ZNF207: variants seen among roughly 807,000 people sequenced by gnomAD.
ZNF207 encodes the protein zinc finger protein 207, also known as BUB3-interacting and GLEBS motif-containing protein ZNF207.
In ZNF207, 24 loss-of-function variants were observed where a neutral mutation model predicts 60.2. That is an observed-to-expected ratio of 0.40 (90% CI 0.29 to 0.56). The LOEUF (loss-of-function observed/expected upper bound fraction) is 0.56, where lower values mean the gene tolerates loss of function less well. ZNF207 is among the 20% of genes least tolerant of loss of function. The pLI, the probability that ZNF207 is intolerant of heterozygous loss-of-function variation, is 0.49. For missense variants in ZNF207, 452 were observed against 636.6 expected (o/e 0.71, Z 3.12); for synonymous variants, 236 against 194.7 (o/e 1.21, Z -1.77).
chr17:32,361,160 TGGGTTTTA>T (rs1415878042), intron 5 of ZNF207, 193 bp downstream of exon 5: 1 of 667,460 alleles, frequency 1.5e-6, no homozygotes, highest in Non-Finnish European at 2.5e-6. Context: ...AATAGATTTT[TGGGTTTTA>T]GGGTATATGT....
intron 2 of ZNF207, among the ~76,000 whole-genome samples, chr17:32,355,230 A>G (rs1904437133): frequency 6.6e-6 from 1 of 152,164 alleles, no homozygotes. Context: ...CCCTGTCTCT[A>G]CAAAAAATGC....
At chr17:32,350,410 CG>C in intron 1 of ZNF207, 84 bp downstream of exon 1, 1 of 1,572,180 alleles carries the variant, frequency 6.4e-7, no homozygotes, top group Non-Finnish European at 8.7e-7. Flanking sequence ...ATTTGGCTTA[CG>C]GCGTGGAGCG....
At chr17:32,366,458 A>G (rs1905166806) in intron 8 of ZNF207, among the ~76,000 whole-genome samples, 1 of 152,218 alleles carries the variant, frequency 6.6e-6, no homozygotes, top group African/African-American at 2.4e-5. Flanking sequence ...ACTAGGTTTT[A>G]TTGATTTAGA....
chr17:32,354,833 C>T (rs989270598), intron 2 of ZNF207, among the ~76,000 whole-genome samples: 29 of 152,042 alleles, frequency 1.9e-4, no homozygotes, highest in African/African-American at 6.7e-4. Context: ...CCAGGCTGGT[C>T]TTGAACTCCT....
intron 1 of ZNF207, 97 bp from the exon 2 acceptor site, chr17:32,351,689 G>C: frequency 6.2e-7 from 1 of 1,608,438 alleles, no homozygotes; most frequent in Non-Finnish European, 8.5e-7. Context: ...GTACCATTTT[G>C]GTTTTAGCTG....
Position 32,350,225 on chromosome 17 carries a change from T to C in ZNF207, c.-61T>C. 1 of 1,611,022 alleles carries C rather than the reference T, an allele frequency of 6.2e-7. No individual in the cohort carries two copies. The highest frequency in any genetic ancestry group is 2.2e-5 in the East Asian group (1 of 44,814). On this transcript the variant is annotated 5_prime_UTR_variant, in exon 1 of 12. Coordinates refer to ENST00000394670, the MANE Select transcript of ZNF207 (RefSeq NM_001098507.2). ...CGTTGGGTTGGGAAAGTGAGGGATT[T>C]TTGGCCTCGTTTCTCCTGCTTCTTT...
chr17:32,352,526 G>A (rs1401559022), intron 2 of ZNF207, among the ~76,000 whole-genome samples: 4 of 152,152 alleles, frequency 2.6e-5, no homozygotes, highest in African/African-American at 9.7e-5. Flanking sequence ...TTGGAGCAGA[G>A]AACAAGGATC....
chr17:32,363,006 T>A, intron 7 of ZNF207, 22 bp downstream of exon 7: 2 of 1,603,516 alleles, frequency 1.2e-6, no homozygotes, highest in Non-Finnish European at 1.7e-6. Context: ...ATAATTTCAT[T>A]TTAATATGAT....
In ZNF207 at chr17:32,357,338, TATTATTATTATTA is replaced by T. The variant is rs1321602965; in HGVS notation, c.169-1164_169-1152del. On this transcript the variant is annotated intron_variant, in intron 2 of 11. Transcript: ENST00000394670. ...TTATTATTATTATTATTATTATTAT[TATTATTATTATTA>T]TTTTTTTTTTTTTTTGAGACAGAAT... Among the ~76,000 whole-genome samples the T allele has an allele frequency of 8.6e-4, 81 of 94,692 alleles. 2 individuals are homozygous for T. The highest frequency in any genetic ancestry group is 1.9e-3 in the African/African-American group (47 of 24,222). 62.1% of individuals were successfully genotyped at this position (94,692 alleles called of 152,430 possible). A position where few individuals can be genotyped will look rare whatever the true frequency, so the allele number is the denominator to read the frequency against.
chr17:32,369,994 A>G lies in ZNF207; in HGVS notation c.*235A>G. 1 of 390,462 alleles carries G rather than the reference A, an allele frequency of 2.6e-6. No individual in the cohort carries two copies. The highest frequency in any genetic ancestry group is 4.3e-6 in the Non-Finnish European group (1 of 234,414). 24.2% of individuals were successfully genotyped at this position (390,462 alleles called of 1,614,324 possible). A position where few individuals can be genotyped will look rare whatever the true frequency, so the allele number is the denominator to read the frequency against. ...CTGTATGGCTTCTTTTTCATGTTTC[A>G]TCTAGGTTTTTAGAAGTGAAGTATA... On this transcript the variant is annotated 3_prime_UTR_variant, in exon 12 of 12. Coordinates refer to ENST00000394670, the MANE Select transcript of ZNF207 (RefSeq NM_001098507.2).
Position 32,372,671 on chromosome 17 carries a change from A to G in ZNF207, c.*2912A>G. On this transcript the variant is annotated 3_prime_UTR_variant, in exon 12 of 12. Coordinates refer to ENST00000394670, the MANE Select transcript of ZNF207 (RefSeq NM_001098507.2). Reference sequence around the variant, plus strand: ...AATATATTTGAAGTGTAATTTTTGCATGCATCCAAACGTAATTAAGCTTCT... The same window carrying G: ...AATATATTTGAAGTGTAATTTTTGCGTGCATCCAAACGTAATTAAGCTTCT... The G allele has an allele frequency of 6.6e-6, 1 of 152,216 alleles. No homozygotes were observed. The highest frequency in any genetic ancestry group is 1.9e-4 in the East Asian group (1 of 5,200). 9.4% of individuals were successfully genotyped at this position (152,216 alleles called of 1,614,324 possible).
At chr17:32,361,651 A>T (rs117684992) in intron 6 of ZNF207, 136 bp downstream of exon 6, 1 of 664,882 alleles carries the variant, frequency 1.5e-6, no homozygotes, top group East Asian at 3.0e-5. Context: ...AAGCTAATTA[A>T]CACAGGTCTC....
intron 3 of ZNF207, 134 bp downstream of exon 3, chr17:32,358,775 C>T (rs372233116): frequency 2.0e-4 from 132 of 657,606 alleles, no homozygotes; most frequent in African/African-American, 1.8e-3. Flanking sequence ...CTTCTGCCTC[C>T]GGGGTTTAAG....
chr17:32,369,043 A>C, intron 10 of ZNF207: 1 of 432,308 alleles, frequency 2.3e-6, no homozygotes, highest in Non-Finnish European at 4.1e-6. Flanking sequence ...TTCATTAGAT[A>C]GTTTCTTGTT....
chr17:32,366,309 CTT>C (rs35218610), intron 8 of ZNF207, among the ~76,000 whole-genome samples: 25,794 of 151,972 alleles, frequency 0.17, 2,631 homozygotes, highest in African/African-American at 0.28. Flanking sequence ...AGATGTAAAA[CTT>C]TTGGCAAAAA....
At position 32,369,322 on chromosome 17, in the gene ZNF207, T is replaced by C; in HGVS notation, c.1192T>C (p.Tyr398His). The change falls in exon 11 of 12, where the codon TAT becomes CAT. Residue 398 changes from tyrosine to histidine, a missense_variant. Physicochemically the swap from Tyr to His is moderately conservative, Grantham distance 83 (BLOSUM62 2). This residue lies in a region of ZNF207 where 390 missense variants were observed against 461.4 expected (regional missense o/e 0.85). Transcript: ENST00000394670. Reference protein sequence around the residue: ...LEERRAQLPKYQRNLPRPGQA... With the variant: ...LEERRAQLPKHQRNLPRPGQA... The stretch of plus-strand genomic sequence containing the variant: ...AGAGAGAAGGGCACAGTTACCTAAG[T>C]ATCAACGTAATCTTCCTCGGCCAGG... 1 of 1,614,064 alleles carries C rather than the reference T, an allele frequency of 6.2e-7. No homozygotes were observed. Among genetic ancestry groups the C allele is most frequent in the Non-Finnish European group, 8.5e-7 (1 of 1,180,014 alleles).
chr17:32,350,433 G>C, intron 1 of ZNF207, 107 bp downstream of exon 1: 1 of 1,457,946 alleles, frequency 6.9e-7, no homozygotes, highest in Non-Finnish European at 9.6e-7. Context: ...TTGTATTTAG[G>C]CGTCTGCGTG....
intron 5 of ZNF207, 112 bp from the exon 6 acceptor site, chr17:32,361,356 G>C (rs1193740111): frequency 8.9e-6 from 7 of 788,958 alleles, no homozygotes; most frequent in Non-Finnish European, 3.9e-6. Context: ...TGAGGTGCTT[G>C]TGCCCATCAC....
At position 32,377,798 on chromosome 17, in the gene ZNF207, T is replaced by C. The variant is rs1905729666; in HGVS notation, c.*8039T>C. 1 of 151,224 alleles carries C rather than the reference T, an allele frequency of 6.6e-6. No individual in the cohort carries two copies. Among genetic ancestry groups the C allele is most frequent in the Non-Finnish European group, 1.5e-5 (1 of 67,570 alleles). 9.4% of individuals were successfully genotyped at this position (151,224 alleles called of 1,614,324 possible). A position where few individuals can be genotyped will look rare whatever the true frequency, so the allele number is the denominator to read the frequency against. ...ACTTCTGTTTAAAAAAAAAAAAAAC[T>C]AGGGAAAAGTTTTAAATGTATTAGT... On this transcript the variant is annotated 3_prime_UTR_variant, in exon 12 of 12. Transcript: ENST00000394670.
Sources: gnomAD v4.1 joint callset for allele counts (sites outside exome capture counted in the v4.1 genomes callset) on GRCh38, gnomAD v4.1.1 for gene constraint, gnomAD v4.1.1 regional missense constraint, MANE v1.5 for transcripts, NCBI Gene and HGNC (gene_info 2026-07-23, HGNC 2026-07-21) for gene names.